DLG2: variants seen among roughly 807,000 people sequenced by gnomAD.
DLG2 encodes the protein discs large MAGUK scaffold protein 2.
A neutral mutation model predicts 132.5 loss-of-function variants in DLG2; 45 were observed. That is an observed-to-expected ratio of 0.34 (90% CI 0.27 to 0.44). The LOEUF is 0.44. Among genes scored for constraint, DLG2 ranks in the 20% least tolerant of loss-of-function variants. The pLI is 1.00. For synonymous variants in DLG2, 424 were observed against 419.6 expected (o/e 1.01, Z -0.13); for missense variants, 1,045 against 1,196.9 (o/e 0.87, Z 1.87).
intron 6 of DLG2, among the ~76,000 whole-genome samples, chr11:84,674,548 A>G (rs1452494051): frequency 6.6e-6 from 1 of 152,102 alleles, no homozygotes; most frequent in East Asian, 1.9e-4. Flanking sequence ...AGAACTGAAT[A>G]TCTCTGGACA....
At chr11:84,223,420 C>T (rs1259907375) in intron 8 of DLG2, among the ~76,000 whole-genome samples, 2 of 152,036 alleles carry the variant, frequency 1.3e-5, no homozygotes, top group African/African-American at 4.8e-5. Context: ...CTTTTATTAC[C>T]CTACGTACAA....
intron 5 of DLG2, among the ~76,000 whole-genome samples, chr11:85,141,487 T>A (rs1181838641): frequency 6.6e-6 from 1 of 151,682 alleles, no homozygotes; most frequent in African/African-American, 2.4e-5. Flanking sequence ...CACATGAAAA[T>A]ATTTCCTCCC....
At chr11:85,239,520 C>A (rs1253035098) in intron 4 of DLG2, among the ~76,000 whole-genome samples, 1 of 151,948 alleles carries the variant, frequency 6.6e-6, no homozygotes, top group African/African-American at 2.4e-5. Flanking sequence ...CAAGTTATCA[C>A]AAATCTCAAA....
chr11:85,510,311 CAAG>C (rs376319118), intron 3 of DLG2, among the ~76,000 whole-genome samples: 4 of 152,122 alleles, frequency 2.6e-5, no homozygotes, highest in Non-Finnish European at 5.9e-5. Flanking sequence ...TAGGCATGGG[CAAG>C]GACTTCATGT....
chr11:85,387,179 G>C (rs954483604), intron 3 of DLG2, among the ~76,000 whole-genome samples: 1 of 152,046 alleles, frequency 6.6e-6, no homozygotes, highest in Non-Finnish European at 1.5e-5. Context: ...TTAGCCACCA[G>C]AATATCCTTT....
intron 15 of DLG2, among the ~76,000 whole-genome samples, chr11:83,885,492 G>T (rs1206501809): frequency 6.6e-6 from 1 of 152,194 alleles, no homozygotes; most frequent in African/African-American, 2.4e-5. Flanking sequence ...TGAAAGTGAC[G>T]AGGAGAATGG....
chr11:84,428,946 CTGTT>C (rs571984773), intron 7 of DLG2, among the ~76,000 whole-genome samples: 271 of 152,222 alleles, frequency 1.8e-3, no homozygotes, highest in African/African-American at 6.4e-3. Flanking sequence ...ATGCTAGTTA[CTGTT>C]TGTTTTACTT....
chr11:84,917,496 T>C (rs1361448861), intron 6 of DLG2, among the ~76,000 whole-genome samples: 2 of 152,224 alleles, frequency 1.3e-5, no homozygotes, highest in Non-Finnish European at 2.9e-5. Flanking sequence ...TTAATATTTG[T>C]AATATTAGGC....
chr11:85,322,549 C>T (rs2081149503), intron 3 of DLG2, among the ~76,000 whole-genome samples: 1 of 152,086 alleles, frequency 6.6e-6, no homozygotes, highest in Admixed American at 6.6e-5. Context: ...CTCTCATTTT[C>T]CACAATGAAA....
intron 3 of DLG2, among the ~76,000 whole-genome samples, chr11:85,458,837 G>C (rs796627124): frequency 5.9e-5 from 9 of 152,252 alleles, no homozygotes; most frequent in African/African-American, 2.2e-4. Flanking sequence ...GAAAGTATGG[G>C]TTCCTCTCCC....
chr11:84,185,993 T>C (rs2096269317), intron 8 of DLG2, among the ~76,000 whole-genome samples: 1 of 152,184 alleles, frequency 6.6e-6, no homozygotes, highest in African/African-American at 2.4e-5. Flanking sequence ...GTTATTCCAA[T>C]TGCCTGTGGC....
chr11:84,856,663 T>C (rs1350842622), intron 6 of DLG2, among the ~76,000 whole-genome samples: 1 of 152,122 alleles, frequency 6.6e-6, no homozygotes, highest in African/African-American at 2.4e-5. Flanking sequence ...TGTCAGTCTG[T>C]ATTCTAAATT....
At chr11:84,284,703 C>T (rs1350406919) in intron 7 of DLG2, among the ~76,000 whole-genome samples, 1 of 152,168 alleles carries the variant, frequency 6.6e-6, no homozygotes, top group African/African-American at 2.4e-5. Context: ...TCTTCTTCCC[C>T]ATCTAGAGCC....
intron 22 of DLG2, among the ~76,000 whole-genome samples, chr11:83,482,894 A>G (rs2093236432): frequency 6.6e-6 from 1 of 152,132 alleles, no homozygotes. Context: ...GCTGTTCTAG[A>G]ACACTTAGCT....
At chr11:84,548,573 T>C (rs1302665454) in intron 6 of DLG2, among the ~76,000 whole-genome samples, 2 of 152,130 alleles carry the variant, frequency 1.3e-5, no homozygotes, top group Non-Finnish European at 2.9e-5. Flanking sequence ...AGAATGATGG[T>C]TTCCAGCTTC....
At chr11:83,555,899 A>T (rs1565784119) in intron 19 of DLG2, among the ~76,000 whole-genome samples, 1 of 152,248 alleles carries the variant, frequency 6.6e-6, no homozygotes, top group Non-Finnish European at 1.5e-5. Context: ...TCTCACAGAC[A>T]TCTATTTGTT....
intron 16 of DLG2, among the ~76,000 whole-genome samples, chr11:83,853,689 A>T (rs2060110068): frequency 2.0e-5 from 3 of 152,138 alleles, no homozygotes. Flanking sequence ...CACCCATTGA[A>T]AATGAAAACT....
At chr11:84,634,440 C>A (rs930836370) in intron 6 of DLG2, among the ~76,000 whole-genome samples, 45 of 152,284 alleles carry the variant, frequency 3.0e-4, no homozygotes, top group African/African-American at 9.9e-4. Context: ...AGACTACAAC[C>A]TACTCTTTAT....
intron 4 of DLG2, among the ~76,000 whole-genome samples, chr11:85,240,242 ATGT>A (rs1281118113): frequency 3.3e-5 from 5 of 151,630 alleles, no homozygotes; most frequent in African/African-American, 1.2e-4. Context: ...ACATTTATTG[ATGT>A]TGTTCATTAT....
Sources: gnomAD v4.1 joint callset for allele counts (sites outside exome capture counted in the v4.1 genomes callset) on GRCh38, gnomAD v4.1.1 for gene constraint, MANE v1.5 for transcripts, NCBI Gene and HGNC (gene_info 2026-07-23, HGNC 2026-07-21) for gene names.